Variants in CLMP observed in about 807,000 individuals in gnomAD.
CLMP encodes the protein CXADR like cell adhesion molecule.
CLMP carries 27 observed loss-of-function variants against 45.2 expected under a neutral mutation model. The ratio of observed to expected loss-of-function variants is 0.60; its 90% CI spans 0.44 to 0.82. The LOEUF (loss-of-function observed/expected upper bound fraction) is 0.82, where lower values mean the gene tolerates loss of function less well. Among genes scored for constraint, CLMP ranks in the 40% least tolerant of loss-of-function variants. The pLI is 0.00. For missense variants in CLMP, 403 were observed against 448.4 expected, an observed-to-expected ratio of 0.90 and a Z score of 0.91; for synonymous variants, 167 against 171.4, an observed-to-expected ratio of 0.97 and a Z score of 0.20.
At chr11:123,142,260 A>G (rs909767130) in intron 1 of CLMP, among the ~76,000 whole-genome samples, 9 of 152,136 alleles carry the variant, frequency 5.9e-5, no homozygotes, top group African/African-American at 2.2e-4. Flanking sequence ...TGCTGGCATT[A>G]CAGGCGTAAG....
chr11:123,083,178 G>A lies in CLMP; in HGVS notation c.586C>T (p.Gln196Ter), dbSNP rs1196881111. Reference sequence around the variant, plus strand: ...CCAGAGTAGGACATGGTAAGATTCTGCAGCAGAACTCGTCCAGGGTGGTTG... The same window carrying A: ...CCAGAGTAGGACATGGTAAGATTCTACAGCAGAACTCGTCCAGGGTGGTTG... The part of the protein sequence containing the change: ...DYNHPGRVLL[Q>*]NLTMSYSGLY... Residue 196 changes from glutamine to a stop codon, truncating the protein, a stop_gained, in exon 5 of 7, where the codon CAG becomes TAG. Transcript: ENST00000448775. LOFTEE classifies it high-confidence loss of function. 6.2e-7 allele frequency: 1 copy of A among 1,614,066 alleles called. No homozygotes were observed. Among genetic ancestry groups the A allele is most frequent in the Admixed American group, 1.7e-5 (1 of 60,004 alleles).
chr11:123,086,809 G>A (rs556583060), intron 2 of CLMP, among the ~76,000 whole-genome samples: 176 of 152,270 alleles, frequency 1.2e-3, no homozygotes, highest in African/African-American at 3.7e-3. Flanking sequence ...GAGCCCAGGA[G>A]GTTGAGGCTA....
At chr11:123,144,333 T>A (rs990592678) in intron 1 of CLMP, among the ~76,000 whole-genome samples, 1 of 152,226 alleles carries the variant, frequency 6.6e-6, no homozygotes, top group African/African-American at 2.4e-5. Flanking sequence ...ATCCAATATC[T>A]AGCACAGTGC....
intron 1 of CLMP, among the ~76,000 whole-genome samples, chr11:123,183,031 A>G (rs1302103460): frequency 6.6e-6 from 1 of 152,220 alleles, no homozygotes; most frequent in African/African-American, 2.4e-5. Context: ...CAGATGATTC[A>G]GGTATGAATC....
At chr11:123,165,342 A>G (rs972985860) in intron 1 of CLMP, among the ~76,000 whole-genome samples, 2 of 152,248 alleles carry the variant, frequency 1.3e-5, no homozygotes, top group Admixed American at 6.5e-5. Flanking sequence ...TACTTGACCT[A>G]TTACAACTTT....
intron 1 of CLMP, among the ~76,000 whole-genome samples, chr11:123,126,513 G>A (rs554154718): frequency 2.3e-4 from 35 of 152,228 alleles, no homozygotes; most frequent in African/African-American, 7.5e-4. Context: ...CAGCCTCAGC[G>A]TTTCAGTGTG....
intron 1 of CLMP, among the ~76,000 whole-genome samples, chr11:123,129,487 A>G (rs1343068580): frequency 7.0e-6 from 1 of 142,118 alleles, no homozygotes; most frequent in Admixed American, 7.5e-5. Context: ...TAGATTATAT[A>G]TAATTAATTT....
intron 1 of CLMP, among the ~76,000 whole-genome samples, chr11:123,107,803 A>ATTT (rs368949127): frequency 6.7e-6 from 1 of 148,914 alleles, no homozygotes; most frequent in Admixed American, 6.7e-5. Context: ...GCTCTCTCCT[A>ATTT]TTTTTTTTTT....
chr11:123,105,362 TCCCTC>T (rs1192220912), intron 1 of CLMP, among the ~76,000 whole-genome samples: 2 of 57,100 alleles, frequency 3.5e-5, no homozygotes, highest in African/African-American at 1.3e-4. Context: ...CTTCCCTCCC[TCCCTC>T]CCTCCCTCCC....
intron 1 of CLMP, among the ~76,000 whole-genome samples, chr11:123,193,754 T>G (rs1164444852): frequency 6.6e-6 from 1 of 152,164 alleles, no homozygotes; most frequent in African/African-American, 2.4e-5. Flanking sequence ...ACCTCTGGTG[T>G]TGTAGGCTAG....
intron 1 of CLMP, among the ~76,000 whole-genome samples, chr11:123,110,631 G>A (rs1028421045): frequency 2.0e-5 from 3 of 151,962 alleles, no homozygotes; most frequent in Non-Finnish European, 4.4e-5. Flanking sequence ...AAAAAAAATG[G>A]TGTTGGTACA....
intron 1 of CLMP, among the ~76,000 whole-genome samples, chr11:123,130,346 G>A (rs1860967270): frequency 6.6e-6 from 1 of 152,146 alleles, no homozygotes. Context: ...AGCTCCCTGG[G>A]AGGTGCTGGG....
intron 1 of CLMP, among the ~76,000 whole-genome samples, chr11:123,112,435 T>C (rs1860653075): frequency 6.6e-6 from 1 of 151,574 alleles, no homozygotes. Context: ...CCTCCAGGGT[T>C]GAAGTGATTC....
intron 1 of CLMP, among the ~76,000 whole-genome samples, chr11:123,164,720 C>G (rs1861535581): frequency 6.6e-6 from 1 of 152,052 alleles, no homozygotes; most frequent in South Asian, 2.1e-4. Context: ...ATGCATCTGT[C>G]TCACATGGGA....
chr11:123,149,366 G>A (rs11219022), intron 1 of CLMP, among the ~76,000 whole-genome samples: 1 of 152,064 alleles, frequency 6.6e-6, no homozygotes, highest in South Asian at 2.1e-4. Flanking sequence ...GCAGCCCTGG[G>A]AAACTGATAC....
chr11:123,103,361 C>G lies in CLMP; in HGVS notation c.29-5409G>C, dbSNP rs927939006. Among the ~76,000 whole-genome samples, 11 of 152,138 alleles carry G rather than the reference C, an allele frequency of 7.2e-5. No individual in the cohort carries two copies. The East Asian group carries it at 2.1e-3, about 29-fold the overall frequency. On this transcript the variant is annotated intron_variant, in intron 1 of 6. Transcript: ENST00000448775. ...TGCATACAATAGATACTTAAACATT[C>G]AATAACAAATGCCAAGAGCCAGCTA... is the stretch of plus-strand genomic sequence containing the variant.
intron 1 of CLMP, among the ~76,000 whole-genome samples, chr11:123,168,659 T>C (rs947394514): frequency 1.4e-4 from 21 of 152,118 alleles, no homozygotes; most frequent in African/African-American, 4.6e-4. Flanking sequence ...AGAAGTCCTC[T>C]GCAATCGGAT....
chr11:123,099,935 T>G (rs371731572), intron 1 of CLMP, among the ~76,000 whole-genome samples: 1 of 152,124 alleles, frequency 6.6e-6, no homozygotes, highest in Non-Finnish European at 1.5e-5. Flanking sequence ...TGCTATTAGA[T>G]TTTTCCAAGT....
chr11:123,107,553 T>TTTTTTTTTTTTTTC (rs1860578972), intron 1 of CLMP, among the ~76,000 whole-genome samples: 1 of 149,894 alleles, frequency 6.7e-6, no homozygotes, highest in Non-Finnish European at 1.5e-5. Context: ...TTTTTTTTTT[T>TTTTTTTTTTTTTTC]CAGAAACAGG....
Sources: gnomAD v4.1 joint callset for allele counts (sites outside exome capture counted in the v4.1 genomes callset) on GRCh38, gnomAD v4.1.1 for gene constraint, MANE v1.5 for transcripts, NCBI Gene and HGNC (gene_info 2026-07-23, HGNC 2026-07-21) for gene names.